The following PRKD1 variants were observed in gnomAD, a reference collection of about 807,000 sequenced individuals.
PRKD1 encodes serine/threonine-protein kinase D1.
A neutral mutation model predicts 95.9 loss-of-function variants in PRKD1; 63 were observed. The ratio of observed to expected loss-of-function variants is 0.66; its 90% CI spans 0.54 to 0.81. PRKD1 has a LOEUF of 0.81. Ranked by LOEUF, PRKD1 falls within the 30% of genes least tolerant of loss-of-function variation. PRKD1 has a pLI of 0.00. For synonymous variants in PRKD1, 425 were observed against 423.1 expected, an observed-to-expected ratio of 1.00 and a Z score of -0.05; for missense variants, 1,048 against 1,165.3, an observed-to-expected ratio of 0.90 and a Z score of 1.47.
intron 13 of PRKD1, among the ~76,000 whole-genome samples, chr14:29,615,364 G>T (rs1878782119): frequency 6.6e-6 from 1 of 152,124 alleles, no homozygotes; most frequent in African/African-American, 2.4e-5. Flanking sequence ...TACACAAGGA[G>T]GTACAAAGCT....
At chr14:29,666,311 A>G (rs1882505530) in intron 2 of PRKD1, 103 bp from the exon 3 acceptor site, 8 of 1,212,888 alleles carry the variant, frequency 6.6e-6, no homozygotes, top group Admixed American at 2.3e-5. Context: ...ATAACTCCCT[A>G]GGCAAAGTTA....
At chr14:29,837,906 T>C (rs1028670274) in intron 1 of PRKD1, among the ~76,000 whole-genome samples, 7 of 152,218 alleles carry the variant, frequency 4.6e-5, no homozygotes, top group Admixed American at 1.3e-4. Context: ...TGGGGTATGG[T>C]AAATTTACTC....
chr14:29,800,440 C>G (rs1480295963), intron 1 of PRKD1, among the ~76,000 whole-genome samples: 1 of 152,154 alleles, frequency 6.6e-6, no homozygotes, highest in Admixed American at 6.6e-5. Flanking sequence ...GGTGGGTTAA[C>G]TCTGATTTGC....
At chr14:29,855,733 G>GT (rs923872108) in intron 1 of PRKD1, among the ~76,000 whole-genome samples, 3 of 152,150 alleles carry the variant, frequency 2.0e-5, no homozygotes, top group African/African-American at 7.2e-5. Flanking sequence ...GTGGGAGACT[G>GT]TTGAATCATG....
intron 1 of PRKD1, among the ~76,000 whole-genome samples, chr14:29,898,821 A>G (rs1194016344): frequency 6.6e-6 from 1 of 152,168 alleles, no homozygotes; most frequent in African/African-American, 2.4e-5. Context: ...ACATTTTAAA[A>G]TATTTCTTTA....
At chr14:29,771,475 T>G (rs766143190) in intron 1 of PRKD1, among the ~76,000 whole-genome samples, 13 of 152,094 alleles carry the variant, frequency 8.5e-5, no homozygotes, top group Non-Finnish European at 1.5e-4. Context: ...TTAGCACAGG[T>G]GGTAAACCTT....
At chr14:29,868,155 G>T (rs2139372176) in intron 1 of PRKD1, among the ~76,000 whole-genome samples, 1 of 152,230 alleles carries the variant, frequency 6.6e-6, no homozygotes, top group South Asian at 2.1e-4. Flanking sequence ...TGTGTATGTT[G>T]TGAGTGTGTA....
intron 2 of PRKD1, among the ~76,000 whole-genome samples, chr14:29,700,988 G>GCGCGCACA (rs140824053): frequency 7.7e-5 from 7 of 90,568 alleles, no homozygotes; most frequent in African/African-American, 3.0e-4. Flanking sequence ...GCGCGCGCGC[G>GCGCGCACA]CACACACACA....
intron 4 of PRKD1, among the ~76,000 whole-genome samples, chr14:29,661,291 A>C (rs1478736980): frequency 6.6e-6 from 1 of 152,200 alleles, no homozygotes; most frequent in African/African-American, 2.4e-5. Flanking sequence ...CTTAATGAGC[A>C]ATGCTGTCTT....
At chr14:29,733,068 T>A (rs1374734226) in intron 1 of PRKD1, among the ~76,000 whole-genome samples, 1 of 150,526 alleles carries the variant, frequency 6.6e-6, no homozygotes, top group Non-Finnish European at 1.5e-5. Flanking sequence ...TTCACTGATA[T>A]TTTCTTTTCT....
chr14:29,794,257 A>G (rs371588577), intron 1 of PRKD1, among the ~76,000 whole-genome samples: 2 of 151,702 alleles, frequency 1.3e-5, no homozygotes, highest in African/African-American at 4.8e-5. Flanking sequence ...ACTTTATTAT[A>G]TAAATTATTA....
At chr14:29,733,653 A>C (rs2139416052) in intron 1 of PRKD1, among the ~76,000 whole-genome samples, 1 of 152,222 alleles carries the variant, frequency 6.6e-6, no homozygotes, top group Middle Eastern at 3.4e-3. Context: ...AAGAACCTTT[A>C]TAAAATCATT....
chr14:29,884,671 T>G (rs1470848760), intron 1 of PRKD1, among the ~76,000 whole-genome samples: 2 of 152,206 alleles, frequency 1.3e-5, no homozygotes, highest in African/African-American at 4.8e-5. Flanking sequence ...TATCATGGAC[T>G]TCGATCAGGT....
chr14:29,699,110 G>A (rs112154707), intron 2 of PRKD1, among the ~76,000 whole-genome samples: 32 of 152,168 alleles, frequency 2.1e-4, no homozygotes, highest in Admixed American at 2.0e-4. Context: ...TTACCATAGC[G>A]GATTTCTAAT....
At chr14:29,610,223 AAGCCACAG>A (rs1401957125) in intron 13 of PRKD1, among the ~76,000 whole-genome samples, 1 of 152,216 alleles carries the variant, frequency 6.6e-6, no homozygotes, top group Non-Finnish European at 1.5e-5. Flanking sequence ...ATGAGAAAAA[AAGCCACAG>A]ACTGGGAGAA....
intron 1 of PRKD1, among the ~76,000 whole-genome samples, chr14:29,855,927 T>C (rs563347673): frequency 2.2e-4 from 33 of 152,342 alleles, no homozygotes; most frequent in African/African-American, 7.9e-4. Flanking sequence ...CATGTGGAAC[T>C]GTTAAGTTCA....
At chr14:29,788,531 C>T (rs1889376939) in intron 1 of PRKD1, among the ~76,000 whole-genome samples, 1 of 152,166 alleles carries the variant, frequency 6.6e-6, no homozygotes. Context: ...CATATCTTCT[C>T]CTTCTGGAAC....
intron 13 of PRKD1, among the ~76,000 whole-genome samples, chr14:29,610,997 G>C (rs1878421340): frequency 6.6e-6 from 1 of 152,162 alleles, no homozygotes. Context: ...TGGCTGACAG[G>C]GATAGTTGAA....
At chr14:29,871,171 C>A (rs574592391) in intron 1 of PRKD1, among the ~76,000 whole-genome samples, 1 of 152,244 alleles carries the variant, frequency 6.6e-6, no homozygotes, top group African/African-American at 2.4e-5. Context: ...GAGCAGAGAC[C>A]TTCCCTTTGG....
Sources: allele counts gnomAD v4.1 joint callset (sites outside exome capture counted in the v4.1 genomes callset), GRCh38; gene constraint gnomAD v4.1.1; transcripts MANE v1.5; gene names NCBI Gene and HGNC (gene_info 2026-07-23, HGNC 2026-07-21).